Variants in EYS observed in about 807,000 individuals in gnomAD.
EYS encodes protein eyes shut homolog.
Under a neutral mutation model 282.1 loss-of-function variants are expected in EYS, and 250 were observed. The ratio of observed to expected loss-of-function variants is 0.89; its 90% CI spans 0.80 to 0.98. The LOEUF is 0.98. Among genes scored for constraint, EYS ranks in the 50% least tolerant of loss-of-function variants. EYS has a pLI of 0.00. For synonymous variants in EYS, 1,355 were observed against 1,282.9 expected (o/e 1.06, Z -1.20); for missense variants, 4,016 against 3,709.0 (o/e 1.08, Z -2.15).
intron 12 of EYS, among the ~76,000 whole-genome samples, chr6:65,174,987 A>G (rs753678612): frequency 1.3e-5 from 2 of 151,260 alleles, no homozygotes; most frequent in African/African-American, 2.4e-5. Flanking sequence ...ACCTCTCTCT[A>G]AAGTCACTCC....
At chr6:64,019,536 G>A (rs770466522) in intron 33 of EYS, among the ~76,000 whole-genome samples, 14 of 151,656 alleles carry the variant, frequency 9.2e-5, no homozygotes, top group Non-Finnish European at 1.9e-4. Context: ...TTAGCCTCTC[G>A]AGTAGCTGGG....
At chr6:64,412,182 A>T (rs1255224791) in intron 28 of EYS, among the ~76,000 whole-genome samples, 2 of 152,034 alleles carry the variant, frequency 1.3e-5, no homozygotes, top group African/African-American at 4.8e-5. Flanking sequence ...TACACAGAAT[A>T]TACATAATTT....
intron 2 of EYS, among the ~76,000 whole-genome samples, chr6:65,597,273 T>C (rs546930501): frequency 2.0e-5 from 3 of 152,180 alleles, no homozygotes; most frequent in South Asian, 2.1e-4. Flanking sequence ...ATTTCCTACC[T>C]TCATTTGAGC....
chr6:65,098,661 A>G (rs1774806365), intron 12 of EYS, among the ~76,000 whole-genome samples: 2 of 150,892 alleles, frequency 1.3e-5, no homozygotes, highest in Admixed American at 1.3e-4. Context: ...GATTCTGAAC[A>G]GCTTTTTCTT....
Position 64,791,037 on chromosome 6 carries a change from C to T in EYS, c.3443+22341G>A, listed in dbSNP as rs114997338. On this transcript the variant is annotated intron_variant, in intron 22 of 42. Coordinates refer to ENST00000503581, the MANE Select transcript of EYS (RefSeq NM_001142800.2). ...TCAGTTTTTACTTAATCTCCTTATGCTGTTTCTTTCTTCCTTCCTGTAGAT... is the reference window on the plus strand; with the variant it reads ...TCAGTTTTTACTTAATCTCCTTATGTTGTTTCTTTCTTCCTTCCTGTAGAT... Among the ~76,000 whole-genome samples the T allele has an allele frequency of 3.4e-4, 51 of 151,894 alleles. 1 individual carries two copies. The highest frequency in any genetic ancestry group is 1.2e-3 in the African/African-American group (50 of 41,534).
rs146205604 is a variant in EYS at position 65,478,934 on chromosome 6, C to T, written c.862+11660G>A. On this transcript the variant is annotated intron_variant, in intron 5 of 42. Coordinates refer to ENST00000503581, the MANE Select transcript of EYS (RefSeq NM_001142800.2). ...AAATCTGCACAAAGTCCTTTAAGAACGAACAAAACCAGGCAAAAATAGAAT... is the reference window on the plus strand; with the variant it reads ...AAATCTGCACAAAGTCCTTTAAGAATGAACAAAACCAGGCAAAAATAGAAT... Among the ~76,000 whole-genome samples the T allele has an allele frequency of 5.7e-4, 87 of 152,012 alleles. 1 individual carries two copies. In the East Asian group the frequency reaches 0.011, roughly 18 times the overall value.
chr6:63,878,670 G>A (rs533221468), intron 35 of EYS, among the ~76,000 whole-genome samples: 84 of 152,198 alleles, frequency 5.5e-4, no homozygotes, highest in African/African-American at 1.9e-3. Flanking sequence ...TCAAGCCTCC[G>A]CCATGGCAGA....
In EYS at chr6:64,634,013, G is replaced by A. The variant is rs113541423; in HGVS notation, c.3444-7768C>T. On this transcript the variant is annotated intron_variant, in intron 22 of 42. Coordinates refer to ENST00000503581, the MANE Select transcript of EYS (RefSeq NM_001142800.2). ...TTGTTTGTTTGTTTGAGATAGAGTC[G>A]TGCTCTGACATCCAGGCTGGAGAGC... 6.2e-3 allele frequency among the ~76,000 whole-genome samples: 938 copies of A among 152,200 alleles called. 3 individuals carry two copies. Among genetic ancestry groups the A allele is most frequent in the Non-Finnish European group, 0.01 (695 of 68,012 alleles).
chr6:65,000,645 G>T (rs1173275949), intron 13 of EYS, among the ~76,000 whole-genome samples: 1 of 152,136 alleles, frequency 6.6e-6, no homozygotes, highest in Non-Finnish European at 1.5e-5. Context: ...GGGCTTGGTG[G>T]CACATGCCTG....
At chr6:64,469,811 CT>C (rs1776053470) in intron 26 of EYS, among the ~76,000 whole-genome samples, 1 of 152,166 alleles carries the variant, frequency 6.6e-6, no homozygotes, top group African/African-American at 2.4e-5. Context: ...GCCTAACCGT[CT>C]CCCTGTGATG....
chr6:64,622,399 C>G (rs954127001), intron 23 of EYS, among the ~76,000 whole-genome samples: 15 of 152,068 alleles, frequency 9.9e-5, no homozygotes, highest in Admixed American at 9.8e-4. Flanking sequence ...TTTGGTGATA[C>G]AAAAATAAAC....
intron 37 of EYS, among the ~76,000 whole-genome samples, chr6:63,804,306 G>A (rs1006406786): frequency 2.0e-5 from 3 of 152,178 alleles, no homozygotes; most frequent in Non-Finnish European, 2.9e-5. Context: ...GTGAGTCACC[G>A]CGCCTGGCCG....
Position 64,822,834 on chromosome 6 carries a change from C to T in EYS, c.2993-12G>A, listed in dbSNP as rs1385884835. The T allele has an allele frequency of 6.5e-7, 1 of 1,539,362 alleles. No homozygotes were observed. Among genetic ancestry groups the T allele is most frequent in the East Asian group, 2.5e-5 (1 of 40,574 alleles). On this transcript the variant is annotated splice_polypyrimidine_tract_variant and intron_variant, in intron 19 of 42. Coordinates refer to ENST00000503581, the MANE Select transcript of EYS (RefSeq NM_001142800.2). ...TTCACAGTTGATGCCTGTGTTGGAA[C>T]AGACAAGGCAAAACATGAAACCATT... is the stretch of plus-strand genomic sequence containing the variant.
chr6:64,933,642 T>G (rs1425221645), intron 15 of EYS, among the ~76,000 whole-genome samples: 2 of 152,090 alleles, frequency 1.3e-5, no homozygotes, highest in Admixed American at 6.6e-5. Context: ...GGTATATACC[T>G]GAAGGATTAT....
At chr6:63,806,024 C>T (rs560063785) in intron 37 of EYS, among the ~76,000 whole-genome samples, 166 bp downstream of exon 37, 2 of 152,330 alleles carry the variant, frequency 1.3e-5, no homozygotes, top group Non-Finnish European at 2.9e-5. Context: ...CAGGGAACTG[C>T]TAAGTACTTT....
intron 26 of EYS, among the ~76,000 whole-genome samples, chr6:64,460,668 G>A (rs907077858): frequency 6.6e-6 from 1 of 152,152 alleles, no homozygotes; most frequent in African/African-American, 2.4e-5. Flanking sequence ...CTTCAGAAAT[G>A]CCTATGGTCT....
At position 65,221,817 on chromosome 6, in the gene EYS, C is replaced by G. The variant is rs541056515; in HGVS notation, c.2023+74046G>C. On this transcript the variant is annotated intron_variant, in intron 12 of 42. Transcript: ENST00000503581. ...AAAGCAGCTTGGAGGGGGGCTGTACCCTGCAAAGCCACAGAGGCAGAGCTG... is the reference window on the plus strand; with the variant it reads ...AAAGCAGCTTGGAGGGGGGCTGTACGCTGCAAAGCCACAGAGGCAGAGCTG... Among the ~76,000 whole-genome samples, 4 of 152,270 alleles carry G rather than the reference C, an allele frequency of 2.6e-5. No individual in the cohort carries two copies. The South Asian group carries it at 8.3e-4, about 32-fold the overall frequency.
chr6:65,706,546 C>A (rs917833782), intron 1 of EYS, among the ~76,000 whole-genome samples: 3 of 152,002 alleles, frequency 2.0e-5, no homozygotes, highest in Admixed American at 6.6e-5. Flanking sequence ...GTTAAAAAAT[C>A]ATCATATCTG....
intron 31 of EYS, among the ~76,000 whole-genome samples, chr6:64,090,261 C>T (rs188307445): frequency 6.6e-6 from 1 of 152,162 alleles, no homozygotes; most frequent in African/African-American, 2.4e-5. Flanking sequence ...TCATTTGTTC[C>T]TATAACTTTA....
Sources: allele counts gnomAD v4.1 joint callset (sites outside exome capture counted in the v4.1 genomes callset), GRCh38; gene constraint gnomAD v4.1.1; transcripts MANE v1.5; gene names NCBI Gene and HGNC (gene_info 2026-07-23, HGNC 2026-07-21).